Variants in PPP6R1 observed in about 807,000 individuals in gnomAD.
PPP6R1 encodes serine/threonine-protein phosphatase 6 regulatory subunit 1.
A neutral mutation model predicts 104.6 loss-of-function variants in PPP6R1; 39 were observed. The ratio of observed to expected loss-of-function variants is 0.37; its 90% confidence interval spans 0.29 to 0.49. The LOEUF is 0.49. PPP6R1 is among the 20% of genes least tolerant of loss of function. PPP6R1 has a pLI of 0.98. For synonymous variants in PPP6R1, 549 were observed against 479.0 expected, an observed-to-expected ratio of 1.15 and a Z score of -1.91; for missense variants, 1,181 against 1,155.8, an observed-to-expected ratio of 1.02 and a Z score of -0.32.
Position 55,231,888 on chromosome 19 carries a change from T to C in PPP6R1, c.2220A>G (p.Pro740=). ...SGEEELHTGP[P]APQGPLSVPQ... The stretch of plus-strand genomic sequence containing the variant: ...GCACACTGAGGGGCCCCTGTGGGGC[T>C]GGAGGCCCAGTGTGCAGCTCTTCCT... The change falls in exon 19 of 24, where the codon CCA becomes CCG. Residue 740 remains proline, a synonymous_variant. Transcript: ENST00000412770. 4 of 1,512,680 alleles carry C rather than the reference T, an allele frequency of 2.6e-6. No individual in the cohort carries two copies. The East Asian group carries it at 9.3e-5, about 35-fold the overall frequency. 93.7% of individuals were successfully genotyped at this position (1,512,680 alleles called of 1,614,324 possible). A position where few individuals can be genotyped will look rare whatever the true frequency, so the allele number is the denominator to read the frequency against.
At chr19:55,253,568 CCCT>C (rs1338629791) in intron 1 of PPP6R1, among the ~76,000 whole-genome samples, 1 of 152,162 alleles carries the variant, frequency 6.6e-6, no homozygotes, top group Non-Finnish European at 1.5e-5. Context: ...CCAGGCAGCG[CCCT>C]GAACTCTCCA....
chr19:55,255,091 G>A (rs1003589392), intron 1 of PPP6R1, among the ~76,000 whole-genome samples: 2 of 152,182 alleles, frequency 1.3e-5, no homozygotes, highest in Non-Finnish European at 2.9e-5. Context: ...GGAAAGCCTT[G>A]GGGAGGGTCC....
chr19:55,243,578 T>C (rs1040072530), intron 5 of PPP6R1, among the ~76,000 whole-genome samples: 4 of 151,864 alleles, frequency 2.6e-5, no homozygotes, highest in East Asian at 1.9e-4. Flanking sequence ...GGCAGGAGGA[T>C]TGCTTGAGCC....
rs942404188 is a variant in PPP6R1 at position 55,241,669 on chromosome 19, G to C, written c.846-30C>G. 6.5e-7 allele frequency: 1 copy of C among 1,529,816 alleles called. No homozygotes were observed. The highest frequency in any genetic ancestry group is 1.4e-5 in the African/African-American group (1 of 72,580). The allele number at this position is 1,529,816 out of a possible 1,614,324, so 94.8% of individuals were successfully genotyped here. A position where few individuals can be genotyped will look rare whatever the true frequency, so the allele number is the denominator to read the frequency against. On this transcript the variant is annotated intron_variant, in intron 7 of 23. Transcript: ENST00000412770. This position sits in a 1 kb window ranked among gnomAD's most constrained non-coding sequence, Gnocchi z 5.4. Reference sequence around the variant, plus strand: ...AGCAGGGCAGGGTCGAAGGCGGAGTGAGCCTAGATGGCCTGTGCGCCCACA... The same window carrying C: ...AGCAGGGCAGGGTCGAAGGCGGAGTCAGCCTAGATGGCCTGTGCGCCCACA...
At chr19:55,238,939 AG>A (rs2122588570) in intron 15 of PPP6R1, 1 of 163,572 alleles carries the variant, frequency 6.1e-6, no homozygotes, top group Admixed American at 6.0e-5. Context: ...GGAAAAAAAA[AG>A]TTTTGTTACC....
At chr19:55,234,629 G>C (rs1274352656) in intron 17 of PPP6R1, among the ~76,000 whole-genome samples, 1 of 151,884 alleles carries the variant, frequency 6.6e-6, no homozygotes, top group Non-Finnish European at 1.5e-5. Context: ...ACACGTGCAA[G>C]GGTATTCACA....
At chr19:55,255,209 C>G in intron 1 of PPP6R1, among the ~76,000 whole-genome samples, 1 of 152,234 alleles carries the variant, frequency 6.6e-6, no homozygotes, top group Non-Finnish European at 1.5e-5. Flanking sequence ...AACTAGGAAA[C>G]AGAAGAGTCT....
intron 10 of PPP6R1, 50 bp downstream of exon 10, chr19:55,240,895 C>T (rs761516907): frequency 1.9e-6 from 3 of 1,584,926 alleles, no homozygotes; most frequent in Non-Finnish European, 2.6e-6. Flanking sequence ...AGAGGGTGCG[C>T]CCACAGGGGA....
rs943254181 is a variant in PPP6R1, at chr19:55,258,486, C to G, written c.-58G>C. ...CACTCGGGGCTCATCGGGGCGCCCC[C>G]CCCCGCCCCGCCGCCGGCGGCTCCG... is the stretch of plus-strand genomic sequence containing the variant. On this transcript the variant is annotated 5_prime_UTR_variant, in exon 1 of 24. Transcript: ENST00000412770. 6.7e-6 allele frequency: 1 copy of G among 149,680 alleles called. No homozygotes were observed. The highest frequency in any genetic ancestry group is 1.5e-5 in the Non-Finnish European group (1 of 66,974). The allele number at this position is 149,680 out of a possible 1,614,324, so 9.3% of individuals were successfully genotyped here.
At chr19:55,243,352 G>A (rs1219307943) in intron 5 of PPP6R1, among the ~76,000 whole-genome samples, 1 of 148,990 alleles carries the variant, frequency 6.7e-6, no homozygotes, top group Non-Finnish European at 1.5e-5. Context: ...GGTGGAGGCT[G>A]CAGTGAGCCG....
In PPP6R1 at chr19:55,230,221, A is replaced by T. The variant is rs2087326974; in HGVS notation, c.*307T>A. On this transcript the variant is annotated 3_prime_UTR_variant, in exon 24 of 24. Transcript: ENST00000412770. ...GCCGCCAGCCCAGTTCGGTGTCCTC[A>T]CTCTCTCTCGCTCTCCTCCCTCTCT... The T allele has an allele frequency of 1.0e-5, 4 of 396,276 alleles. No homozygotes were observed. Among genetic ancestry groups the T allele is most frequent in the Admixed American group, 3.9e-5 (1 of 25,374 alleles). 24.5% of individuals were successfully genotyped at this position (396,276 alleles called of 1,614,324 possible).
At position 55,257,319 on chromosome 19, in the gene PPP6R1, T is replaced by C. The variant is rs558062558; in HGVS notation, c.-7+1116A>G. ...GGATGAAATCCCACTGCAGTTTCTC[T>C]ACAACTGTGAACCCAGTACCGCACC... On this transcript the variant is annotated intron_variant, in intron 1 of 23. Coordinates refer to ENST00000412770, the MANE Select transcript of PPP6R1 (RefSeq NM_014931.4). 9.2e-4 allele frequency among the ~76,000 whole-genome samples: 140 copies of C among 152,358 alleles called. 1 individual carries two copies. The highest frequency in any genetic ancestry group is 6.8e-3 in the Middle Eastern group (2 of 294).
rs1176217049 is a variant in PPP6R1, at chr19:55,240,975, C to A, written c.1266G>T (p.Glu422Asp). The A allele has an allele frequency of 1.9e-6, 3 of 1,602,720 alleles. No homozygotes were observed. Among genetic ancestry groups the A allele is most frequent in the African/African-American group, 2.7e-5 (2 of 74,854 alleles). The change falls in exon 10 of 24, where the codon GAG becomes GAT. Residue 422 changes from glutamate (E) to aspartate (D), a missense_variant. By Grantham distance (45) the Glu-to-Asp change is conservative (BLOSUM62 2). Around this residue, in one of 2 missense-constraint regions of PPP6R1, gnomAD observed 1,042 missense variants for 955.6 expected, o/e 1.09. Coordinates refer to ENST00000412770, the MANE Select transcript of PPP6R1 (RefSeq NM_014931.4). ...TCACAACAGGGTTTTGGATGGGCGT[C>A]TCAGGGCTGCTGTCAGGAGGTGGCC... is the stretch of plus-strand genomic sequence containing the variant. ...SLGPPPDSSP[E>D]TPIQNPVVKH... is the part of the protein sequence containing the mutation.
Position 55,239,616 on chromosome 19 carries a change from G to C in PPP6R1, c.1631C>G (p.Pro544Arg). ...CACCTGCTGCAGCACAGCCTCCTCA[G>C]GGAAGTTGAACTCCTTGAGCCGGTC... ...EDDRLKEFNF[P>R]EEAVLQQAFM... The change falls in exon 14 of 24, where the codon CCT (proline) becomes CGT (arginine). Residue 544 changes from proline (P) to arginine (R), a missense_variant. This residue lies in a region of PPP6R1 where 1,042 missense variants were observed against 955.6 expected (regional missense o/e 1.09). Coordinates refer to ENST00000412770, the MANE Select transcript of PPP6R1 (RefSeq NM_014931.4). 1 of 1,611,730 alleles carries C rather than the reference G, an allele frequency of 6.2e-7. No homozygotes were observed. The highest frequency in any genetic ancestry group is 8.5e-7 in the Non-Finnish European group (1 of 1,178,904).
chr19:55,231,234 TAAGAG>T (rs763310487), intron 21 of PPP6R1, among the ~76,000 whole-genome samples, 171 bp downstream of exon 21: 3 of 152,112 alleles, frequency 2.0e-5, no homozygotes, highest in Non-Finnish European at 4.4e-5. Flanking sequence ...CCCAGGCTAC[TAAGAG>T]AAGAACCAGC....
At chr19:55,248,008 C>A (rs1422904691) in intron 1 of PPP6R1, among the ~76,000 whole-genome samples, 1 of 152,212 alleles carries the variant, frequency 6.6e-6, no homozygotes, top group Admixed American at 6.5e-5. Flanking sequence ...CTGGTTCCAG[C>A]CCCTAAACGC....
chr19:55,234,829 G>A (rs769916547), intron 17 of PPP6R1, among the ~76,000 whole-genome samples: 3 of 152,186 alleles, frequency 2.0e-5, no homozygotes, highest in Non-Finnish European at 4.4e-5. Context: ...AGCAACAGAG[G>A]TCAGACATAA....
intron 5 of PPP6R1, 91 bp from the exon 6 acceptor site, chr19:55,242,579 C>T: frequency 1.8e-6 from 2 of 1,130,972 alleles, no homozygotes; most frequent in Non-Finnish European, 2.7e-6. Flanking sequence ...AGCTGACCAT[C>T]CAGGGAAAAA....
intron 15 of PPP6R1, among the ~76,000 whole-genome samples, chr19:55,237,452 G>C (rs958946011): frequency 6.6e-6 from 1 of 152,100 alleles, no homozygotes; most frequent in African/African-American, 2.4e-5. Context: ...CTAAATTATG[G>C]GAAAAAGAAT....
Sources: gnomAD v4.1 joint callset for allele counts (sites outside exome capture counted in the v4.1 genomes callset) on GRCh38, gnomAD v4.1.1 for gene constraint, gnomAD v4.1.1 regional missense constraint, Gnocchi (gnomAD v3.1) non-coding constraint, MANE v1.5 for transcripts, NCBI Gene and HGNC (gene_info 2026-07-23, HGNC 2026-07-21) for gene names.